XDH: variants seen among roughly 807,000 people sequenced by gnomAD.
XDH encodes the protein xanthine dehydrogenase.
In XDH, 138 loss-of-function variants were observed where a neutral mutation model predicts 156.1. That is an observed-to-expected ratio of 0.88 (90% confidence interval 0.77 to 1.02). The LOEUF (loss-of-function observed/expected upper bound fraction) is 1.02. XDH is among the 50% of genes least tolerant of loss of function. The pLI, the probability that XDH is intolerant of heterozygous loss-of-function variation, is 0.00. For synonymous variants in XDH, 669 were observed against 625.7 expected (o/e 1.07, Z -1.03); for missense variants, 1,849 against 1,684.9 (o/e 1.10, Z -1.71).
intron 1 of XDH, among the ~76,000 whole-genome samples, chr2:31,414,015 C>T (rs1262313362): frequency 6.6e-6 from 1 of 152,060 alleles, no homozygotes; most frequent in Non-Finnish European, 1.5e-5. Flanking sequence ...ACATGTAGAA[C>T]TCACTGTGTG....
intron 2 of XDH, 46 bp from the exon 3 acceptor site, chr2:31,403,190 T>C (rs1572569721): frequency 3.1e-6 from 5 of 1,598,112 alleles, no homozygotes. Context: ...GAGAGGAGTC[T>C]GCTGGGTTGC....
At chr2:31,362,102 GGACT>G (rs1685795041) in intron 24 of XDH, among the ~76,000 whole-genome samples, 1 of 152,008 alleles carries the variant, frequency 6.6e-6, no homozygotes, top group Non-Finnish European at 1.5e-5. Context: ...AATGAGCACA[GGACT>G]GACTATGTTG....
In XDH at chr2:31,354,064, A is replaced by T. The variant is rs147795540; in HGVS notation, c.2632-3841T>A. On this transcript the variant is annotated intron_variant, in intron 24 of 35. Coordinates refer to ENST00000379416, the MANE Select transcript of XDH (RefSeq NM_000379.4). ...GTGAAGAGTCAAGGCTTTTAGCACA[A>T]GCCAGTGGTAAAGAGGCCACCCACA... Among the ~76,000 whole-genome samples, 11 of 152,324 alleles carry T rather than the reference A, an allele frequency of 7.2e-5. No homozygotes were observed. The East Asian group carries it at 2.1e-3, about 29-fold the overall frequency.
Position 31,381,724 on chromosome 2 carries a change from G to T in XDH, c.1041C>A (p.Ser347=). 1 of 1,612,780 alleles carries T rather than the reference G, an allele frequency of 6.2e-7. No homozygotes were observed. The change falls in exon 12 of 36, where the codon TCC becomes TCA. Residue 347 remains serine (S), a splice_region_variant and synonymous_variant. Coordinates refer to ENST00000379416, the MANE Select transcript of XDH (RefSeq NM_000379.4). ...FAGKQVKSVA[S]VGGNIITASP... is the part of the protein sequence containing the mutation. ...TGGCAGTGATGATGTTCCCTCCAAC[G>T]GACTAAAACAAGCAGAGAGCATGCA...
Position 31,365,360 on chromosome 2 carries a change from A to G in XDH, c.2544+97T>C, listed in dbSNP as rs1241058843. The G allele has an allele frequency of 1.7e-5, 23 of 1,330,466 alleles. No homozygotes were observed. The East Asian group carries it at 5.3e-4, about 31-fold the overall frequency. The allele number at this position is 1,330,466 out of a possible 1,614,324, so 82.4% of individuals were successfully genotyped here. On this transcript the variant is annotated intron_variant, in intron 23 of 35. Transcript: ENST00000379416. ...TTATTTGAACTTCTACAGATAGGCA[A>G]AAAGTAGGAGTGCAGCTCAGGATGC...
Position 31,403,137 on chromosome 2 carries a change from C to G in XDH, c.108G>C (p.Leu36=). 6.2e-7 allele frequency: 1 copy of G among 1,614,144 alleles called. No individual in the cohort carries two copies. Among genetic ancestry groups the G allele is most frequent in the East Asian group, 2.2e-5 (1 of 44,856 alleles). Reference sequence around the variant, plus strand: ...CTCCACAGCCGAGCTTGGTTCCACTCAGCCCCACTGGGTGGTCAAGAGTTA... The same window carrying G: ...CTCCACAGCCGAGCTTGGTTCCACTGAGCCCCACTGGGTGGTCAAGAGTTA... The part of the protein sequence containing the change: ...LLAYLRRKLG[L]SGTKLGCGEG... Residue 36 remains leucine, a synonymous_variant, in exon 3 of 36, where the codon CTG becomes CTC. Coordinates refer to ENST00000379416, the MANE Select transcript of XDH (RefSeq NM_000379.4).
intron 31 of XDH, among the ~76,000 whole-genome samples, chr2:31,344,407 G>A (rs540274664): frequency 2.2e-4 from 33 of 152,304 alleles, no homozygotes; most frequent in African/African-American, 7.5e-4. Context: ...GGTTCAGCAG[G>A]ACCACTGACT....
chr2:31,358,788 A>T (rs1176679011), intron 24 of XDH, among the ~76,000 whole-genome samples: 2 of 152,144 alleles, frequency 1.3e-5, no homozygotes, highest in Admixed American at 1.3e-4. Flanking sequence ...CAAAAAACAA[A>T]CAAACAAACA....
rs904316678 is a variant in XDH at position 31,414,723 on chromosome 2, GGTA to G, written c.-60_-58del. On this transcript the variant is annotated 5_prime_UTR_variant, in exon 1 of 36. Coordinates refer to ENST00000379416, the MANE Select transcript of XDH (RefSeq NM_000379.4). ...ACCTCACTCCTAAGAGACACTGGCA[GGTA>G]GTTATCACTGCTCTGTGACCTGAAA... 6.2e-7 allele frequency: 1 copy of G among 1,603,996 alleles called. No homozygotes were observed. Among genetic ancestry groups the G allele is most frequent in the African/African-American group, 1.3e-5 (1 of 74,710 alleles).
At chr2:31,374,999 C>CTTTCTTTT (rs1558693966) in intron 15 of XDH, among the ~76,000 whole-genome samples, 1 of 103,614 alleles carries the variant, frequency 9.7e-6, no homozygotes, top group East Asian at 2.6e-4. Context: ...TTTTTCCTTT[C>CTTTCTTTT]TTTCTTTCTT....
intron 1 of XDH, among the ~76,000 whole-genome samples, chr2:31,413,374 C>A (rs1687392511): frequency 6.6e-6 from 1 of 152,148 alleles, no homozygotes; most frequent in Non-Finnish European, 1.5e-5. Context: ...TGGGTTGGTA[C>A]CAGGTGCCAA....
In XDH at chr2:31,409,907, T is replaced by C. The variant is rs148232200; in HGVS notation, c.43-3943A>G. Among the ~76,000 whole-genome samples the C allele has an allele frequency of 6.4e-3, 968 of 152,270 alleles. 10 individuals carry two copies. Among genetic ancestry groups the C allele is most frequent in the African/African-American group, 0.023 (939 of 41,548 alleles). On this transcript the variant is annotated intron_variant, in intron 1 of 35. Transcript: ENST00000379416. ...ACTTCTGGATTTATACCCAAAATAA[T>C]TGAAGTCAGGGTCTCAGATATTTAT...
intron 12 of XDH, among the ~76,000 whole-genome samples, chr2:31,381,292 C>G (rs1293129063): frequency 6.6e-6 from 1 of 152,160 alleles, no homozygotes; most frequent in Non-Finnish European, 1.5e-5. Context: ...CACCGCACTA[C>G]CGCACTTGGC....
At chr2:31,341,139 G>T (rs1054030553) in intron 33 of XDH, among the ~76,000 whole-genome samples, 190 bp downstream of exon 33, 4 of 152,108 alleles carry the variant, frequency 2.6e-5, no homozygotes, top group Non-Finnish European at 5.9e-5. Context: ...ATATTAATTT[G>T]CTTTCTGCCT....
intron 24 of XDH, among the ~76,000 whole-genome samples, chr2:31,359,215 G>A (rs1399096644): frequency 6.6e-6 from 1 of 151,974 alleles, no homozygotes; most frequent in Non-Finnish European, 1.5e-5. Flanking sequence ...AGTCACTCAG[G>A]AATATAATTT....
chr2:31,342,126 A>T (rs1685139302), intron 32 of XDH, 57 bp downstream of exon 32: 3 of 1,478,546 alleles, frequency 2.0e-6, no homozygotes, highest in Non-Finnish European at 2.8e-6. Context: ...AGGTATTACA[A>T]CTCAGTTGTT....
intron 2 of XDH, among the ~76,000 whole-genome samples, chr2:31,405,397 G>C (rs376403974): frequency 2.0e-5 from 3 of 152,084 alleles, no homozygotes; most frequent in African/African-American, 7.2e-5. Flanking sequence ...TTTCTAAGGA[G>C]TCCCCCCACC....
chr2:31,398,633 A>G lies in XDH; in HGVS notation c.373T>C (p.Tyr125His). 6.2e-7 allele frequency: 1 copy of G among 1,614,126 alleles called. No homozygotes were observed. Among genetic ancestry groups the G allele is most frequent in the East Asian group, 2.2e-5 (1 of 44,872 alleles). ...TCGGGCTGATTCCGGAGCAGTGTGT[A>G]CATACTCATGACGATGCCAGGGGTG... ...FCTPGIVMSM[Y>H]TLLRNQPEPT... The change falls in exon 5 of 36, where the codon TAC (tyrosine) becomes CAC (histidine). Residue 125 changes from tyrosine (Y) to histidine (H), a missense_variant. Physicochemically the swap from Tyr to His is moderately conservative, Grantham distance 83 (BLOSUM62 2). Coordinates refer to ENST00000379416, the MANE Select transcript of XDH (RefSeq NM_000379.4).
At chr2:31,414,564 G>C (rs1333648058) in intron 1 of XDH, 61 bp downstream of exon 1, 1 of 1,604,364 alleles carries the variant, frequency 6.2e-7, no homozygotes, top group Non-Finnish European at 8.5e-7. Context: ...GGCTCTGCCA[G>C]AGGACACATT....
Sources: allele counts gnomAD v4.1 joint callset (sites outside exome capture counted in the v4.1 genomes callset), GRCh38; gene constraint gnomAD v4.1.1; transcripts MANE v1.5; gene names NCBI Gene and HGNC (gene_info 2026-07-23, HGNC 2026-07-21).